NAV1: variants seen among roughly 807,000 people sequenced by gnomAD.
NAV1 encodes neuron navigator 1.
Under a neutral mutation model 175.2 loss-of-function variants are expected in NAV1, and 18 were observed. The observed-to-expected ratio is 0.10, with a 90% CI of 0.07 to 0.15. The LOEUF (loss-of-function observed/expected upper bound fraction) is 0.15. NAV1 is among the 10% of genes least tolerant of loss of function. The pLI, the probability that NAV1 is intolerant of heterozygous loss-of-function variation, is 1.00. For synonymous variants in NAV1, 897 were observed against 978.7 expected, an observed-to-expected ratio of 0.92 and a Z score of 1.56; for missense variants, 1,731 against 2,436.6, an observed-to-expected ratio of 0.71 and a Z score of 6.10.
chr1:201,712,332 A>G (rs925903560), intron 1 of NAV1, among the ~76,000 whole-genome samples: 1 of 152,200 alleles, frequency 6.6e-6, no homozygotes, highest in African/African-American at 2.4e-5. Context: ...GAAAGTGGCC[A>G]TGATAGGAGG....
chr1:201,647,242 G>T (rs1669005070), upstream of NAV1, among the ~76,000 whole-genome samples: 1 of 152,168 alleles, frequency 6.6e-6, no homozygotes, highest in African/African-American at 2.4e-5. Context: ...TAGGCAAACT[G>T]CAGACTACTC....
At chr1:201,691,601 G>C (rs993311017) in intron 1 of NAV1, among the ~76,000 whole-genome samples, 2 of 152,224 alleles carry the variant, frequency 1.3e-5, no homozygotes, top group Non-Finnish European at 2.9e-5. Flanking sequence ...GAGGTGGAAT[G>C]AACAGGTGTC....
rs77373446 is a variant in NAV1, at chr1:201,579,198, G to C, written c.-143-9341G>C. Among the ~76,000 whole-genome samples, 115 of 152,230 alleles carry C rather than the reference G, an allele frequency of 7.6e-4. 1 individual carries two copies. In the East Asian group the frequency reaches 0.021, roughly 27 times the overall value. On this transcript the variant is annotated intron_variant, in intron 1 of 33. Coordinates refer to the NAV1 transcript ENST00000685211. ...TCCTGGCCTTTGGCTGGAGAAAGCA[G>C]GCTTTTGTTGAGGCTTCTTTTGTTT...
Position 201,718,499 on chromosome 1 carries a change from C to T in NAV1, c.970C>T (p.Arg324Trp), listed in dbSNP as rs1672231727. ...ATGGCGCTATGGCCAGTCCAGTCCGCGGCTGCAGGCTGGTGACGCGCCCTC... is the reference window on the plus strand; with the variant it reads ...ATGGCGCTATGGCCAGTCCAGTCCGTGGCTGCAGGCTGGTGACGCGCCCTC... Residue 324 changes from arginine (R) to tryptophan (W), a missense_variant, in exon 3 of 30, where the codon CGG becomes TGG. Physicochemically the swap from Arg to Trp is moderately radical, Grantham distance 101 (BLOSUM62 -3). This residue lies in a region of NAV1 where 487 missense variants were observed against 581.3 expected (regional missense o/e 0.84). Transcript: ENST00000367296. This position sits in a 1 kb window ranked among gnomAD's most constrained non-coding sequence, Gnocchi z 4.8. 1 of 1,608,078 alleles carries T rather than the reference C, an allele frequency of 6.2e-7. No homozygotes were observed. The highest frequency in any genetic ancestry group is 1.3e-5 in the African/African-American group (1 of 74,988).
intron 1 of NAV1, among the ~76,000 whole-genome samples, chr1:201,659,081 C>A (rs1296361239): frequency 6.6e-6 from 1 of 152,224 alleles, no homozygotes; most frequent in Non-Finnish European, 1.5e-5. Flanking sequence ...CTGGGAAGTG[C>A]TCTGCTGAAA....
At chr1:201,726,578 G>T (rs760462247) in intron 3 of NAV1, among the ~76,000 whole-genome samples, 2 of 150,846 alleles carry the variant, frequency 1.3e-5, no homozygotes, top group East Asian at 3.9e-4. Context: ...AACCCAGGAG[G>T]TGGAAGTTGT....
chr1:201,697,455 C>A lies in NAV1; in HGVS notation c.758-15362C>A, dbSNP rs146413185. Reference sequence around the variant, plus strand: ...CTGGGCAGCCCTACCTTGCTCATACCTTGCCCCCAGCTTTCTCTCTCATAA... The same window carrying A: ...CTGGGCAGCCCTACCTTGCTCATACATTGCCCCCAGCTTTCTCTCTCATAA... On this transcript the variant is annotated intron_variant, in intron 1 of 29. Coordinates refer to ENST00000367296, the Ensembl canonical transcript of NAV1. Among the ~76,000 whole-genome samples, 445 of 152,296 alleles carry A rather than the reference C, an allele frequency of 2.9e-3. 3 individuals carry two copies. Among genetic ancestry groups the A allele is most frequent in the African/African-American group, 0.01 (425 of 41,566 alleles).
intron 2 of NAV1, among the ~76,000 whole-genome samples, chr1:201,633,575 A>C (rs1325128270): frequency 6.6e-6 from 1 of 152,194 alleles, no homozygotes; most frequent in Non-Finnish European, 1.5e-5. Context: ...TGAGGAAGGA[A>C]ATGGGATCAG....
At chr1:201,640,237 G>C (rs545885473) in intron 2 of NAV1, among the ~76,000 whole-genome samples, 23 of 152,320 alleles carry the variant, frequency 1.5e-4, no homozygotes, top group Non-Finnish European at 3.1e-4. Flanking sequence ...TCTGGGGCCA[G>C]AGAGGGTGAG....
chr1:201,638,509 C>T (rs1321620546), intron 2 of NAV1, among the ~76,000 whole-genome samples: 6 of 152,244 alleles, frequency 3.9e-5, no homozygotes, highest in African/African-American at 1.4e-4. Context: ...ATTCTTCACT[C>T]ACCCTTCTAA....
chr1:201,576,874 C>G (rs1307175037), intron 1 of NAV1, among the ~76,000 whole-genome samples: 1 of 152,196 alleles, frequency 6.6e-6, no homozygotes, highest in East Asian at 1.9e-4. Context: ...TTGCATTTCT[C>G]TAATTGCTAA....
chr1:201,739,999 T>G, intron 3 of NAV1: 1 of 1,455,190 alleles, frequency 6.9e-7, no homozygotes, highest in Non-Finnish European at 9.1e-7. Flanking sequence ...GCCCACCCGG[T>G]GAATGGCCGC....
intron 1 of NAV1, among the ~76,000 whole-genome samples, chr1:201,706,214 G>A (rs1671659169): frequency 6.6e-6 from 1 of 151,906 alleles, no homozygotes; most frequent in African/African-American, 2.4e-5. Context: ...GGTCAGGAAA[G>A]ATATTTTTCT....
intron 2 of NAV1, among the ~76,000 whole-genome samples, chr1:201,599,503 A>T (rs1438895268): frequency 6.6e-6 from 1 of 152,188 alleles, no homozygotes; most frequent in Non-Finnish European, 1.5e-5. Flanking sequence ...TAAGGGTTTC[A>T]TGAGGTCCTG....
At chr1:201,793,919 G>A (rs768110621) in intron 14 of NAV1, 44 bp downstream of exon 18, 1 of 1,486,496 alleles carries the variant, frequency 6.7e-7, no homozygotes, top group South Asian at 1.2e-5. Context: ...TGCGGCGAGG[G>A]GGTTCTCCTG....
intron 1 of NAV1, among the ~76,000 whole-genome samples, chr1:201,659,723 G>C (rs1669534510): frequency 6.6e-6 from 1 of 152,234 alleles, no homozygotes; most frequent in South Asian, 2.1e-4. Context: ...TTGAAGGTAG[G>C]AGAACTAGAT....
At chr1:201,676,266 A>C (rs1339594287) in intron 1 of NAV1, among the ~76,000 whole-genome samples, 2 of 152,152 alleles carry the variant, frequency 1.3e-5, no homozygotes, top group Non-Finnish European at 2.9e-5. Flanking sequence ...CTCTGCTTTT[A>C]AGAGGAAGCT....
chr1:201,614,736 G>C (rs913228513), intron 2 of NAV1, among the ~76,000 whole-genome samples: 1 of 152,214 alleles, frequency 6.6e-6, no homozygotes, highest in Non-Finnish European at 1.5e-5. Flanking sequence ...CCTGGATTTA[G>C]GCTGTGAAGT....
intron 2 of NAV1, among the ~76,000 whole-genome samples, chr1:201,592,968 C>T (rs140439231): frequency 8.0e-4 from 122 of 152,254 alleles, no homozygotes; most frequent in African/African-American, 2.6e-3. Flanking sequence ...CATCTCACTC[C>T]CTGTTCCTGA....
Sources: allele counts gnomAD v4.1 joint callset (sites outside exome capture counted in the v4.1 genomes callset), GRCh38; gene constraint gnomAD v4.1.1; regional missense constraint gnomAD v4.1.1; non-coding constraint Gnocchi (gnomAD v3.1); transcripts MANE v1.5; gene names NCBI Gene and HGNC (gene_info 2026-07-23, HGNC 2026-07-21).